CNTNAP2: variants seen among roughly 807,000 people sequenced by gnomAD.
The protein encoded by CNTNAP2 is contactin associated protein 2.
In CNTNAP2, 98 loss-of-function variants were observed where a neutral mutation model predicts 155.2. That is an observed-to-expected ratio of 0.63 (90% CI 0.54 to 0.75). The LOEUF is 0.75. CNTNAP2 is among the 30% of genes least tolerant of loss of function. The pLI is 0.00. For synonymous variants in CNTNAP2, 651 were observed against 631.2 expected (o/e 1.03, Z -0.47); for missense variants, 1,727 against 1,688.1 (o/e 1.02, Z -0.40).
intron 1 of CNTNAP2, among the ~76,000 whole-genome samples, chr7:146,246,234 G>A (rs562893946): frequency 1.3e-5 from 2 of 150,648 alleles, no homozygotes; most frequent in Admixed American, 6.6e-5. Context: ...TGTGGGTTAA[G>A]GTGGGGTAAT....
At chr7:147,081,010 C>CAT (rs1800114260) in intron 4 of CNTNAP2, 1 of 152,066 alleles carries the variant, frequency 6.6e-6, no homozygotes, top group Admixed American at 6.6e-5. Context: ...ATGACATCAA[C>CAT]ATAGTGTATA....
intron 14 of CNTNAP2, among the ~76,000 whole-genome samples, chr7:147,934,168 G>C (rs1048768793): frequency 1.3e-5 from 2 of 152,212 alleles, no homozygotes; most frequent in African/African-American, 2.4e-5. Flanking sequence ...AAAAATTTGA[G>C]AGAGTAGATC....
chr7:146,227,661 A>C (rs928410813), intron 1 of CNTNAP2, among the ~76,000 whole-genome samples: 2 of 152,156 alleles, frequency 1.3e-5, no homozygotes, highest in African/African-American at 4.8e-5. Flanking sequence ...AATAACCGGA[A>C]GAGTGCAGAG....
intron 22 of CNTNAP2, among the ~76,000 whole-genome samples, chr7:148,387,819 C>T (rs1309947464): frequency 6.6e-6 from 1 of 152,126 alleles, no homozygotes; most frequent in Non-Finnish European, 1.5e-5. Context: ...TGAACCAGAG[C>T]AACTCCATCT....
chr7:147,239,099 T>C (rs1209668996), intron 8 of CNTNAP2, among the ~76,000 whole-genome samples: 4 of 152,210 alleles, frequency 2.6e-5, no homozygotes, highest in Non-Finnish European at 4.4e-5. Context: ...AGGAAAGGAA[T>C]GTTTTTAAGA....
intron 15 of CNTNAP2, among the ~76,000 whole-genome samples, chr7:148,094,260 A>C (rs1278551707): frequency 6.6e-6 from 1 of 152,248 alleles, no homozygotes; most frequent in Non-Finnish European, 1.5e-5. Flanking sequence ...GTTTTGTGAA[A>C]CATATGGAAT....
At chr7:147,441,573 C>T (rs1041813839) in intron 10 of CNTNAP2, among the ~76,000 whole-genome samples, 1 of 152,032 alleles carries the variant, frequency 6.6e-6, no homozygotes, top group African/African-American at 2.4e-5. Flanking sequence ...GTAGTTTTTG[C>T]AGTATTGGCT....
chr7:146,557,480 A>G (rs1798214470), intron 1 of CNTNAP2, among the ~76,000 whole-genome samples: 2 of 152,200 alleles, frequency 1.3e-5, no homozygotes, highest in South Asian at 4.2e-4. Flanking sequence ...CTATTAGAGT[A>G]TACAGTTAAG....
intron 15 of CNTNAP2, among the ~76,000 whole-genome samples, chr7:148,099,119 C>A (rs963425142): frequency 3.9e-5 from 6 of 152,082 alleles, no homozygotes; most frequent in Admixed American, 6.6e-5. Flanking sequence ...GCGACGAAAC[C>A]CAGGTGTGTA....
intron 1 of CNTNAP2, among the ~76,000 whole-genome samples, chr7:146,674,326 C>G (rs528987140): frequency 2.0e-5 from 3 of 152,042 alleles, no homozygotes; most frequent in African/African-American, 4.8e-5. Context: ...TAGTGTCTTA[C>G]GTACTTTCTT....
chr7:148,055,145 A>C (rs1283613807), intron 15 of CNTNAP2, among the ~76,000 whole-genome samples: 1 of 152,102 alleles, frequency 6.6e-6, no homozygotes, highest in Non-Finnish European at 1.5e-5. Context: ...CGGCCTCCCA[A>C]AGTGCTGGGA....
intron 3 of CNTNAP2, among the ~76,000 whole-genome samples, chr7:146,850,707 CAA>C (rs988585232): frequency 2.0e-5 from 3 of 147,858 alleles, no homozygotes; most frequent in Non-Finnish European, 3.0e-5. Context: ...TGTATGAAAG[CAA>C]AAAAAAATTG....
At chr7:146,244,457 G>A (rs1017847752) in intron 1 of CNTNAP2, among the ~76,000 whole-genome samples, 7 of 152,148 alleles carry the variant, frequency 4.6e-5, no homozygotes, top group Non-Finnish European at 7.3e-5. Context: ...AAAAAGGAGC[G>A]TCTATACAGG....
At chr7:146,668,435 T>TGG (rs1487861939) in intron 1 of CNTNAP2, among the ~76,000 whole-genome samples, 5 of 86,458 alleles carry the variant, frequency 5.8e-5, no homozygotes, top group South Asian at 7.9e-4. Context: ...TTCCTGTGTG[T>TGG]GTGTGTGTGT....
At chr7:148,215,270 AAGG>A (rs1795616165) in intron 18 of CNTNAP2, among the ~76,000 whole-genome samples, 1 of 152,194 alleles carries the variant, frequency 6.6e-6, no homozygotes, top group Non-Finnish European at 1.5e-5. Context: ...TAAAGGAAAA[AAGG>A]AGGAGGATTA....
intron 15 of CNTNAP2, among the ~76,000 whole-genome samples, chr7:147,982,610 G>A (rs1801550322): frequency 6.6e-6 from 1 of 152,202 alleles, no homozygotes; most frequent in Admixed American, 6.5e-5. Flanking sequence ...AGATGATGGT[G>A]AATATTTGTT....
intron 2 of CNTNAP2, among the ~76,000 whole-genome samples, chr7:146,830,109 G>A (rs968170180): frequency 2.0e-5 from 3 of 151,864 alleles, no homozygotes; most frequent in South Asian, 2.1e-4. Context: ...TTTGATAATC[G>A]ATGTCTAATT....
intron 1 of CNTNAP2, among the ~76,000 whole-genome samples, chr7:146,661,169 C>A (rs73166342): frequency 8.2e-4 from 125 of 152,288 alleles, no homozygotes; most frequent in Middle Eastern, 3.4e-3. Context: ...CCTTTGATTT[C>A]TTCCTGAAAA....
chr7:148,115,132 T>C lies in CNTNAP2; in HGVS notation c.2384-2986T>C, dbSNP rs1016862353. 4.6e-5 allele frequency among the ~76,000 whole-genome samples: 7 copies of C among 152,242 alleles called. No individual in the cohort carries two copies. The East Asian group carries it at 9.6e-4, about 21-fold the overall frequency. Reference sequence around the variant, plus strand: ...AGTCTATTCAAGAGATCAAATTAGATTGAAGTTGCTTAGTGAGCATAGAAT... The same window carrying C: ...AGTCTATTCAAGAGATCAAATTAGACTGAAGTTGCTTAGTGAGCATAGAAT... On this transcript the variant is annotated intron_variant, in intron 15 of 23. Coordinates refer to ENST00000361727, the MANE Select transcript of CNTNAP2 (RefSeq NM_014141.6).
Sources: allele counts gnomAD v4.1 joint callset (sites outside exome capture counted in the v4.1 genomes callset), GRCh38; gene constraint gnomAD v4.1.1; transcripts MANE v1.5; gene names NCBI Gene and HGNC (gene_info 2026-07-23, HGNC 2026-07-21).